COP1: variants seen among roughly 807,000 people sequenced by gnomAD.
The protein encoded by COP1 is E3 ubiquitin-protein ligase COP1.
In COP1, 24 loss-of-function variants were observed where a neutral mutation model predicts 101.3. That is an observed-to-expected ratio of 0.24 (90% CI 0.17 to 0.33). COP1 has a LOEUF of 0.33. Ranked by LOEUF, COP1 falls within the 10% of genes least tolerant of loss-of-function variation. COP1 has a pLI of 1.00. For synonymous variants in COP1, 347 were observed against 341.9 expected (o/e 1.01, Z -0.17); for missense variants, 663 against 906.2 (o/e 0.73, Z 3.45).
intron 1 of COP1, among the ~76,000 whole-genome samples, chr1:176,198,302 G>A (rs960257855): frequency 6.6e-6 from 1 of 151,948 alleles, no homozygotes; most frequent in African/African-American, 2.4e-5. Context: ...ATACACCAAC[G>A]GGACAGAATA....
chr1:175,994,732 C>G (rs1659645523), intron 15 of COP1, among the ~76,000 whole-genome samples: 4 of 152,184 alleles, frequency 2.6e-5, no homozygotes, highest in Admixed American at 2.6e-4. Flanking sequence ...CAGGAGCACC[C>G]AGATTCATAA....
chr1:176,169,623 T>C (rs79066726), intron 3 of COP1, among the ~76,000 whole-genome samples: 1,774 of 152,330 alleles, frequency 0.012, 29 homozygotes, highest in Admixed American at 0.05. Flanking sequence ...AAATACTTTA[T>C]TGCTAAAAAA....
intron 15 of COP1, among the ~76,000 whole-genome samples, chr1:176,016,674 T>C (rs1665706061): frequency 6.6e-6 from 1 of 152,204 alleles, no homozygotes; most frequent in East Asian, 1.9e-4. Context: ...AAAACTATTT[T>C]GTATGGAATT....
At chr1:176,020,290 G>A (rs1338079650) in intron 15 of COP1, among the ~76,000 whole-genome samples, 3 of 138,122 alleles carry the variant, frequency 2.2e-5, no homozygotes, top group Non-Finnish European at 3.1e-5. Flanking sequence ...CAGCCTGGGC[G>A]ACAAAGTGAG....
chr1:176,011,994 C>T (rs1664763421), intron 15 of COP1, among the ~76,000 whole-genome samples: 1 of 151,920 alleles, frequency 6.6e-6, no homozygotes, highest in African/African-American at 2.4e-5. Flanking sequence ...TTAGAGTGTA[C>T]TCCTTCTATT....
intron 11 of COP1, among the ~76,000 whole-genome samples, chr1:176,049,422 C>A (rs545063655): frequency 6.6e-6 from 1 of 151,816 alleles, no homozygotes; most frequent in South Asian, 2.1e-4. Context: ...TATCAAGAAC[C>A]TGTAGAGTAT....
intron 11 of COP1, among the ~76,000 whole-genome samples, chr1:176,051,864 T>C (rs532405568): frequency 6.6e-6 from 1 of 152,144 alleles, no homozygotes; most frequent in Non-Finnish European, 1.5e-5. Flanking sequence ...TATTTTTGTA[T>C]AGTTGTTCAA....
intron 15 of COP1, among the ~76,000 whole-genome samples, chr1:175,994,226 A>T (rs55698238): frequency 3.3e-5 from 5 of 152,132 alleles, no homozygotes; most frequent in Non-Finnish European, 7.4e-5. Context: ...GCCTGCCCTA[A>T]AAGAGCTCCT....
At position 175,971,147 on chromosome 1, in the gene COP1, A is replaced by C. The variant is rs145589074; in HGVS notation, c.2133+15796T>G. On this transcript the variant is annotated intron_variant, in intron 18 of 19. Transcript: ENST00000367669. ...ATAATGATTCTGGGGTTTTAGACTT[A>C]AATGACTTAGAAAGACTGATAAAGC... Among the ~76,000 whole-genome samples, 130 of 152,384 alleles carry C rather than the reference A, an allele frequency of 8.5e-4. 2 individuals are homozygous for C. In the East Asian group the frequency reaches 0.02, roughly 23 times the overall value.
chr1:176,015,469 C>G (rs1292869707), intron 15 of COP1, among the ~76,000 whole-genome samples: 2 of 151,834 alleles, frequency 1.3e-5, no homozygotes, highest in Non-Finnish European at 2.9e-5. Context: ...AAAATAACCA[C>G]TTCAATTTTT....
At chr1:176,193,344 T>C (rs61821059) in intron 1 of COP1, among the ~76,000 whole-genome samples, 10,224 of 152,228 alleles carry the variant, frequency 0.067, 424 homozygotes, top group Middle Eastern at 0.12. Flanking sequence ...ATGCAGCTAC[T>C]ATGGAAAACT....
At chr1:176,029,571 A>G (rs1341239424) in intron 14 of COP1, among the ~76,000 whole-genome samples, 3 of 152,208 alleles carry the variant, frequency 2.0e-5, no homozygotes, top group Non-Finnish European at 2.9e-5. Flanking sequence ...CCATCTTTCA[A>G]TCTGTCCCAG....
At chr1:176,196,813 G>A (rs150763392) in intron 1 of COP1, among the ~76,000 whole-genome samples, 20 of 151,888 alleles carry the variant, frequency 1.3e-4, no homozygotes, top group African/African-American at 3.9e-4. Flanking sequence ...GTCAAAGCAC[G>A]GGAAGATCAC....
chr1:176,020,285 T>C (rs1313494997), intron 15 of COP1, among the ~76,000 whole-genome samples: 2 of 133,356 alleles, frequency 1.5e-5, no homozygotes, highest in Non-Finnish European at 3.1e-5. Context: ...CCCTCCAGCC[T>C]GGGCGACAAA....
intron 5 of COP1, among the ~76,000 whole-genome samples, chr1:176,149,520 A>G (rs1692087645): frequency 6.6e-6 from 1 of 152,150 alleles, no homozygotes; most frequent in Non-Finnish European, 1.5e-5. Flanking sequence ...TCACAAGTCA[A>G]ATTTACTATT....
At chr1:176,132,350 C>T (rs934786532) in intron 8 of COP1, among the ~76,000 whole-genome samples, 2 of 151,812 alleles carry the variant, frequency 1.3e-5, no homozygotes, top group Non-Finnish European at 2.9e-5. Context: ...ACAGAATCCT[C>T]TTGCAAAGCC....
At chr1:176,147,602 T>A (rs932216356) in intron 6 of COP1, among the ~76,000 whole-genome samples, 3 of 151,988 alleles carry the variant, frequency 2.0e-5, no homozygotes, top group Non-Finnish European at 4.4e-5. Context: ...GAAAAAAAAA[T>A]TAATCACAAA....
At chr1:175,951,882 GT>G (rs35483759) in intron 18 of COP1, among the ~76,000 whole-genome samples, 114,743 of 151,980 alleles carry the variant, frequency 0.75, 45,102 homozygotes, top group East Asian at 0.92. Context: ...ATATGAAAAC[GT>G]TAAGACTAAA....
At chr1:176,059,134 C>T (rs1674399008) in intron 11 of COP1, among the ~76,000 whole-genome samples, 1 of 152,222 alleles carries the variant, frequency 6.6e-6, no homozygotes, top group African/African-American at 2.4e-5. Flanking sequence ...TTACTTTCCA[C>T]AGAGCCCTGC....
Sources: gnomAD v4.1 joint callset for allele counts (sites outside exome capture counted in the v4.1 genomes callset) on GRCh38, gnomAD v4.1.1 for gene constraint, MANE v1.5 for transcripts, NCBI Gene and HGNC (gene_info 2026-07-23, HGNC 2026-07-21) for gene names.